Variants in ASIC2 observed in about 807,000 individuals in gnomAD.
ASIC2 encodes acid sensing ion channel subunit 2.
ASIC2 carries 25 observed loss-of-function variants against 57.3 expected under a neutral mutation model. The ratio of observed to expected loss-of-function variants is 0.44; its 90% CI spans 0.32 to 0.61. ASIC2 has a LOEUF of 0.61. Ranked by LOEUF, ASIC2 falls within the 20% of genes least tolerant of loss-of-function variation. ASIC2 has a pLI of 0.06. For synonymous variants in ASIC2, 319 were observed against 307.5 expected (o/e 1.04, Z -0.39); for missense variants, 641 against 738.1 (o/e 0.87, Z 1.52).
chr17:33,245,001 C>T (rs765940825), intron 1 of ASIC2, among the ~76,000 whole-genome samples: 3 of 152,184 alleles, frequency 2.0e-5, no homozygotes, highest in Non-Finnish European at 4.4e-5. Context: ...TAAACTGGGT[C>T]ACGTGGGGGT....
intron 1 of ASIC2, among the ~76,000 whole-genome samples, chr17:33,716,037 C>A (rs1447142265): frequency 2.0e-5 from 3 of 152,174 alleles, no homozygotes; most frequent in African/African-American, 7.2e-5. Flanking sequence ...ATCAATTGAT[C>A]ACTAAATGCT....
intron 1 of ASIC2, among the ~76,000 whole-genome samples, chr17:33,741,335 A>G (rs1440389230): frequency 1.3e-5 from 2 of 152,178 alleles, no homozygotes; most frequent in Non-Finnish European, 1.5e-5. Context: ...TTTGTTCCTC[A>G]TCTGTGATGT....
rs71379430 is a variant in ASIC2 at position 33,931,905 on chromosome 17, G to A, written c.555+224073C>T. Reference sequence around the variant, plus strand: ...TTTCCTTTAAGAAAGTAATGTTGGCGCTGATTCCAGTAGACCTTTAAAAAG... The same window carrying A: ...TTTCCTTTAAGAAAGTAATGTTGGCACTGATTCCAGTAGACCTTTAAAAAG... On this transcript the variant is annotated intron_variant, in intron 1 of 9. Coordinates refer to the ASIC2 transcript ENST00000359872. Among the ~76,000 whole-genome samples, 1,258 of 152,318 alleles carry A rather than the reference G, an allele frequency of 8.3e-3. 22 individuals are homozygous for A. Among genetic ancestry groups the A allele is most frequent in the African/African-American group, 0.028 (1,168 of 41,564 alleles).
chr17:33,155,335 G>T (rs1374836541), intron 1 of ASIC2, among the ~76,000 whole-genome samples: 1 of 152,212 alleles, frequency 6.6e-6, no homozygotes, highest in African/African-American at 2.4e-5. Flanking sequence ...TCTTGGATTT[G>T]CTCCACAGGT....
At chr17:33,259,377 T>C (rs1002497719) in intron 1 of ASIC2, among the ~76,000 whole-genome samples, 2 of 152,168 alleles carry the variant, frequency 1.3e-5, no homozygotes, top group African/African-American at 4.8e-5. Context: ...TATAACAGAA[T>C]CTTGTAAACC....
intron 1 of ASIC2, among the ~76,000 whole-genome samples, chr17:33,958,219 C>A (rs1477478548): frequency 6.6e-6 from 1 of 152,198 alleles, no homozygotes; most frequent in African/African-American, 2.4e-5. Flanking sequence ...TTTCCAGGTG[C>A]ACGATGCAAG....
intron 1 of ASIC2, among the ~76,000 whole-genome samples, chr17:33,140,485 A>G (rs548832594): frequency 1.3e-5 from 2 of 152,318 alleles, no homozygotes; most frequent in South Asian, 4.1e-4. Context: ...CCTTTCTATG[A>G]TGGGAATTAC....
chr17:33,322,040 G>T (rs1390550236), intron 1 of ASIC2, among the ~76,000 whole-genome samples: 6 of 152,200 alleles, frequency 3.9e-5, no homozygotes. Context: ...ATGGCTCTGT[G>T]TTCCACCCCT....
At chr17:33,860,741 C>T (rs1404591340) in intron 1 of ASIC2, among the ~76,000 whole-genome samples, 1 of 152,116 alleles carries the variant, frequency 6.6e-6, no homozygotes, top group African/African-American at 2.4e-5. Flanking sequence ...TATATTTTTG[C>T]TGCCATTATG....
At chr17:33,627,991 CT>C (rs1906039184) in intron 1 of ASIC2, among the ~76,000 whole-genome samples, 1 of 152,094 alleles carries the variant, frequency 6.6e-6, no homozygotes, top group South Asian at 2.1e-4. Flanking sequence ...GATTGTGCCA[CT>C]GCACTCCAGC....
chr17:33,720,223 AT>A (rs1222499175), intron 1 of ASIC2, among the ~76,000 whole-genome samples: 1 of 152,186 alleles, frequency 6.6e-6, no homozygotes, highest in Non-Finnish European at 1.5e-5. Flanking sequence ...CCTGGTTTGT[AT>A]TGTTAATGTT....
intron 1 of ASIC2, among the ~76,000 whole-genome samples, chr17:34,046,004 A>C (rs1251015314): frequency 6.6e-6 from 1 of 152,134 alleles, no homozygotes; most frequent in Non-Finnish European, 1.5e-5. Flanking sequence ...CCTGCACCAC[A>C]ATGTCAAGAG....
At chr17:33,540,418 G>T (rs188213755) in intron 1 of ASIC2, among the ~76,000 whole-genome samples, 1 of 152,060 alleles carries the variant, frequency 6.6e-6, no homozygotes, top group African/African-American at 2.4e-5. Context: ...TTGGAGGGGG[G>T]CACAATTCAA....
At chr17:34,093,120 C>T (rs965926772) in intron 1 of ASIC2, among the ~76,000 whole-genome samples, 3 of 152,148 alleles carry the variant, frequency 2.0e-5, no homozygotes, top group Non-Finnish European at 4.4e-5. Context: ...GTAATAGAAG[C>T]TTTATTTTCC....
At chr17:33,206,635 T>C (rs1267086880) in intron 1 of ASIC2, among the ~76,000 whole-genome samples, 1 of 152,152 alleles carries the variant, frequency 6.6e-6, no homozygotes, top group Non-Finnish European at 1.5e-5. Flanking sequence ...CTCAGCTGTG[T>C]GTCCAAACCA....
chr17:34,089,052 G>T (rs571431168), intron 1 of ASIC2, among the ~76,000 whole-genome samples: 2 of 152,134 alleles, frequency 1.3e-5, no homozygotes, highest in Non-Finnish European at 2.9e-5. Context: ...ACTGACCTGC[G>T]CCCACTGTCT....
At position 33,162,787 on chromosome 17, in the gene ASIC2, C is replaced by T. The variant is rs769211953; in HGVS notation, c.709-50720G>A. On this transcript the variant is annotated intron_variant, in intron 1 of 9. Transcript: ENST00000225823. ...AAGGTGAGTGGAGTAGGTAGGGGGC[C>T]GTGGCTCCTGTTTCTCTTCCTTCCT... is the stretch of plus-strand genomic sequence containing the variant. Among the ~76,000 whole-genome samples the T allele has an allele frequency of 9.2e-5, 14 of 152,258 alleles. No homozygotes were observed. The South Asian group carries it at 1.0e-3, about 11-fold the overall frequency.
chr17:33,258,038 T>C (rs1161649307), intron 1 of ASIC2, among the ~76,000 whole-genome samples: 3 of 152,236 alleles, frequency 2.0e-5, no homozygotes, highest in African/African-American at 7.2e-5. Flanking sequence ...AAACAAGTTA[T>C]ATGATTTTTT....
At chr17:33,865,251 T>C (rs1189299224) in intron 1 of ASIC2, among the ~76,000 whole-genome samples, 1 of 152,206 alleles carries the variant, frequency 6.6e-6, no homozygotes, top group African/African-American at 2.4e-5. Flanking sequence ...ATGAGATGGT[T>C]CCAATTATGT....
Sources: allele counts gnomAD v4.1 joint callset (sites outside exome capture counted in the v4.1 genomes callset), GRCh38; gene constraint gnomAD v4.1.1; transcripts MANE v1.5; gene names NCBI Gene and HGNC (gene_info 2026-07-23, HGNC 2026-07-21).